NBAS: variants seen among roughly 807,000 people sequenced by gnomAD.
NBAS encodes NBAS subunit of NRZ tethering complex.
NBAS carries 219 observed loss-of-function variants against 302.5 expected under a neutral mutation model. That is an observed-to-expected ratio of 0.72 (90% CI 0.65 to 0.81). The LOEUF (loss-of-function observed/expected upper bound fraction) is 0.81. Ranked by LOEUF, NBAS falls within the 30% of genes least tolerant of loss-of-function variation. The pLI is 0.00. For missense variants in NBAS, 2,932 were observed against 2,841.6 expected (o/e 1.03, Z -0.72); for synonymous variants, 1,118 against 1,021.6 (o/e 1.09, Z -1.80).
Position 15,305,823 on chromosome 2 carries a change from G to GC in NBAS, c.4797+2392dup, listed in dbSNP as rs1671011671. 2.0e-5 allele frequency among the ~76,000 whole-genome samples: 3 copies of GC among 152,314 alleles called. No homozygotes were observed. In the South Asian group the frequency reaches 6.2e-4, roughly 32 times the overall value. On this transcript the variant is annotated intron_variant, in intron 40 of 51. Transcript: ENST00000281513. ...ATCTTATGTATTCAGGAAAGGTACA[G>GC]CATGGGGTAGGCAAACAGTAGGACC...
intron 38 of NBAS, among the ~76,000 whole-genome samples, chr2:15,313,120 G>T (rs1236554678): frequency 1.3e-5 from 2 of 152,094 alleles, no homozygotes; most frequent in Non-Finnish European, 2.9e-5. Flanking sequence ...CCTATGGAGC[G>T]TTTAAAGTCT....
intron 48 of NBAS, among the ~76,000 whole-genome samples, chr2:15,192,854 T>A (rs1248871058): frequency 2.0e-5 from 3 of 152,198 alleles, no homozygotes; most frequent in Non-Finnish European, 4.4e-5. Flanking sequence ...TTTTATCAAA[T>A]GTACACTTTA....
chr2:15,483,052 A>C (rs1361401792), intron 12 of NBAS, among the ~76,000 whole-genome samples: 1 of 152,170 alleles, frequency 6.6e-6, no homozygotes, highest in Non-Finnish European at 1.5e-5. Flanking sequence ...ATTACGGCTA[A>C]AGTAATGTTT....
At chr2:15,384,692 T>C (rs897912754) in intron 28 of NBAS, among the ~76,000 whole-genome samples, 7 of 152,170 alleles carry the variant, frequency 4.6e-5, no homozygotes, top group Admixed American at 4.6e-4. Flanking sequence ...CCAAAGTTCA[T>C]CTTAGTTAAA....
At chr2:15,438,745 A>G (rs1415774401) in intron 21 of NBAS, among the ~76,000 whole-genome samples, 1 of 152,210 alleles carries the variant, frequency 6.6e-6, no homozygotes, top group Non-Finnish European at 1.5e-5. Context: ...CAGACAATGG[A>G]TCAGAGAAGA....
At chr2:15,534,250 A>G (rs1663371453) in intron 9 of NBAS, among the ~76,000 whole-genome samples, 2 of 152,176 alleles carry the variant, frequency 1.3e-5, no homozygotes, top group South Asian at 4.1e-4. Context: ...AATTCTCTTG[A>G]GTTATGTATC....
chr2:15,357,661 A>T (rs940201438), intron 32 of NBAS, among the ~76,000 whole-genome samples: 1 of 152,176 alleles, frequency 6.6e-6, no homozygotes, highest in Admixed American at 6.6e-5. Flanking sequence ...TTTCATTAAC[A>T]GCACCCATGG....
At chr2:14,781,401 G>A in the NBAS span, among the ~76,000 whole-genome samples, 1 of 151,668 alleles carries the variant, frequency 6.6e-6, no homozygotes, top group Non-Finnish European at 1.5e-5. Flanking sequence ...CTGGACTTCA[G>A]CCTAAACTAA....
At chr2:15,090,900 C>CTTAGGTTGACATGGGG in the NBAS span, among the ~76,000 whole-genome samples, 1 of 152,198 alleles carries the variant, frequency 6.6e-6, no homozygotes, top group Non-Finnish European at 1.5e-5. Context: ...GAAGAGAATG[C>CTTAGGTTGACATGGGG]TTAGGTTGAC....
At chr2:15,055,589 C>A in the NBAS span, among the ~76,000 whole-genome samples, 1 of 152,046 alleles carries the variant, frequency 6.6e-6, no homozygotes, top group Non-Finnish European at 1.5e-5. Flanking sequence ...ACAGACAGGA[C>A]AGGTGAGGAT....
chr2:14,786,554 T>C, the NBAS span, among the ~76,000 whole-genome samples: 2 of 152,146 alleles, frequency 1.3e-5, no homozygotes, highest in Admixed American at 6.5e-5. Flanking sequence ...AGAACATCTT[T>C]ATTTCTGCCT....
chr2:15,032,951 G>A, the NBAS span, among the ~76,000 whole-genome samples: 2 of 152,196 alleles, frequency 1.3e-5, no homozygotes, highest in Non-Finnish European at 2.9e-5. Context: ...AGGGGAAGGA[G>A]GTCACCTAGC....
the NBAS span, among the ~76,000 whole-genome samples, chr2:14,889,902 C>T: frequency 6.6e-6 from 1 of 152,172 alleles, no homozygotes; most frequent in Non-Finnish European, 1.5e-5. Flanking sequence ...TAATCACATA[C>T]ACATATTCAT....
At chr2:15,390,917 A>C (rs1476833014) in intron 28 of NBAS, among the ~76,000 whole-genome samples, 1 of 152,118 alleles carries the variant, frequency 6.6e-6, no homozygotes, top group African/African-American at 2.4e-5. Flanking sequence ...GTTTGAGACC[A>C]GTCTGACCAA....
the NBAS span, among the ~76,000 whole-genome samples, chr2:15,011,297 G>C: frequency 6.6e-6 from 1 of 151,946 alleles, no homozygotes; most frequent in Non-Finnish European, 1.5e-5. Context: ...CCAGAACTCT[G>C]GTAACAAATG....
At position 15,218,898 on chromosome 2, in the gene NBAS, CCGGCCAGG is replaced by C; in HGVS notation, c.6299_6306del (p.Ala2100GlyfsTer19). ...TGCAGCACGTGAATGCGGGGCCGCACCGGCCAGGCGTCATCAGCACAGAAAGGCCGCAG... is the reference window on the plus strand; with the variant it reads ...TGCAGCACGTGAATGCGGGGCCGCACCGTCATCAGCACAGAAAGGCCGCAG... On this transcript the variant is annotated frameshift_variant, in exon 48 of 52. Coordinates refer to ENST00000281513, the MANE Select transcript of NBAS (RefSeq NM_015909.4). LOFTEE classifies it high-confidence loss of function. 6.2e-7 allele frequency: 1 copy of C among 1,614,266 alleles called. No homozygotes were observed. Among genetic ancestry groups the C allele is most frequent in the Non-Finnish European group, 8.5e-7 (1 of 1,180,044 alleles).
chr2:15,275,269 G>C (rs1468668828), intron 44 of NBAS, among the ~76,000 whole-genome samples: 1 of 152,024 alleles, frequency 6.6e-6, no homozygotes, highest in Non-Finnish European at 1.5e-5. Context: ...AATGAGAATA[G>C]TCATCTCTAT....
At chr2:15,468,242 G>T in intron 17 of NBAS, 140 bp downstream of exon 17, 1 of 962,542 alleles carries the variant, frequency 1.0e-6, no homozygotes. Flanking sequence ...AATGACTTCA[G>T]GTAAGACAGT....
chr2:14,949,776 G>A, the NBAS span, among the ~76,000 whole-genome samples: 4 of 152,154 alleles, frequency 2.6e-5, no homozygotes, highest in Non-Finnish European at 5.9e-5. Context: ...ATTTTGTTAA[G>A]AGAAATAAGC....
Sources: allele counts gnomAD v4.1 joint callset (sites outside exome capture counted in the v4.1 genomes callset), GRCh38; gene constraint gnomAD v4.1.1; transcripts MANE v1.5; gene names NCBI Gene and HGNC (gene_info 2026-07-23, HGNC 2026-07-21).